HIRA: variants seen among roughly 807,000 people sequenced by gnomAD.
HIRA encodes the protein histone cell cycle regulator, also known as protein HIRA.
In HIRA, 13 loss-of-function variants were observed where a neutral mutation model predicts 126.6. The ratio of observed to expected loss-of-function variants is 0.10; its 90% CI spans 0.07 to 0.16. The LOEUF (loss-of-function observed/expected upper bound fraction) is 0.16. HIRA is among the 10% of genes least tolerant of loss of function. The probability of loss-of-function intolerance (pLI) is 1.00; values close to 1 mark genes in which losing one functional copy is unlikely to be tolerated. For missense variants in HIRA, 834 were observed against 1,314.4 expected (o/e 0.63, Z 5.65); for synonymous variants, 511 against 520.0 (o/e 0.98, Z 0.24).
intron 24 of HIRA, among the ~76,000 whole-genome samples, chr22:19,339,537 T>C (rs1174944815): frequency 6.6e-6 from 1 of 151,418 alleles, no homozygotes; most frequent in Non-Finnish European, 1.5e-5. Context: ...CTTGGGAGGC[T>C]GAGGCCTGAG....
At chr22:19,414,533 G>C (rs745810953) in intron 1 of HIRA, among the ~76,000 whole-genome samples, 1 of 152,168 alleles carries the variant, frequency 6.6e-6, no homozygotes, top group Non-Finnish European at 1.5e-5. Context: ...GAGCTGACTG[G>C]AACACATGTG....
chr22:19,422,676 C>T (rs969110183), intron 1 of HIRA, among the ~76,000 whole-genome samples: 1 of 152,208 alleles, frequency 6.6e-6, no homozygotes, highest in Non-Finnish European at 1.5e-5. Context: ...GAATGCTCTT[C>T]CCTCAGATGG....
chr22:19,390,744 TTC>T (rs796193824), intron 9 of HIRA, among the ~76,000 whole-genome samples: 4 of 152,088 alleles, frequency 2.6e-5, no homozygotes, highest in African/African-American at 9.6e-5. Flanking sequence ...GGCGTCAGCT[TTC>T]TGTGTGTCTT....
chr22:19,357,037 A>G lies in HIRA; in HGVS notation c.2249T>C (p.Val750Ala), dbSNP rs973214086. 2 of 1,614,044 alleles carry G rather than the reference A, an allele frequency of 1.2e-6. No individual in the cohort carries two copies. The highest frequency in any genetic ancestry group is 8.5e-7 in the Non-Finnish European group (1 of 1,180,010). Residue 750 changes from valine to alanine, a missense_variant, in exon 19 of 25, where the codon GTC becomes GCC. Around this residue, in one of 5 missense-constraint regions of HIRA, gnomAD observed 468 missense variants for 574.2 expected, o/e 0.82. Coordinates refer to ENST00000263208, the MANE Select transcript of HIRA (RefSeq NM_003325.4). ...TAAGSCDVVC[V>A]ACEKRMLSVF... ...TGACAGCATCCTTTTTTCACAGGCG[A>G]CACACACCACGTCACTGAGAAGGCA...
At chr22:19,407,124 A>G in intron 4 of HIRA, 60 bp downstream of exon 4, 3 of 1,392,442 alleles carry the variant, frequency 2.2e-6, no homozygotes, top group Admixed American at 3.4e-5. Flanking sequence ...GGTGACTTTG[A>G]TAAAGACCAG....
Position 19,387,722 on chromosome 22 carries a change from C to T in HIRA, c.1102G>A (p.Glu368Lys), listed in dbSNP as rs1005125088. The change falls in exon 11 of 25, where the codon GAG becomes AAG. Residue 368 changes from glutamate to lysine, a missense_variant. By Grantham distance (56) the Glu-to-Lys change is moderately conservative. Transcript: ENST00000263208. ...AGCCGTCAGCCTACCTTCTCCTCCTCGCTCAGGGGATCGCCAAGCTCATCC... is the reference window on the plus strand; with the variant it reads ...AGCCGTCAGCCTACCTTCTCCTCCTTGCTCAGGGGATCGCCAAGCTCATCC... ...SQDELGDPLSEEEKSRIHQST... is the reference protein window; with the variant it reads ...SQDELGDPLSKEEKSRIHQST... The T allele has an allele frequency of 2.5e-6, 4 of 1,613,632 alleles. No individual in the cohort carries two copies. Among genetic ancestry groups the T allele is most frequent in the East Asian group, 2.2e-5 (1 of 44,892 alleles).
intron 2 of HIRA, among the ~76,000 whole-genome samples, chr22:19,410,477 CAAT>C (rs2089343547): frequency 6.6e-6 from 1 of 152,320 alleles, no homozygotes; most frequent in South Asian, 2.1e-4. Context: ...AATATTAACT[CAAT>C]AAACAGAAAT....
chr22:19,333,031 C>A (rs566284301), intron 24 of HIRA, among the ~76,000 whole-genome samples: 1 of 152,242 alleles, frequency 6.6e-6, no homozygotes, highest in South Asian at 2.1e-4. Context: ...GCCTCAGTTA[C>A]CCGAGTAGCT....
intron 17 of HIRA, among the ~76,000 whole-genome samples, chr22:19,360,412 A>G (rs1219289750): frequency 1.3e-5 from 2 of 152,210 alleles, no homozygotes; most frequent in Non-Finnish European, 2.9e-5. Context: ...CACACCAGCA[A>G]TAAGAACAAA....
rs782037801 is a variant in HIRA, at chr22:19,353,397, C to T, written c.2807G>A (p.Arg936His). 14 of 1,612,882 alleles carry T rather than the reference C, an allele frequency of 8.7e-6. 1 individual carries two copies. Among genetic ancestry groups the T allele is most frequent in the East Asian group, 6.7e-5 (3 of 44,888 alleles). The change falls in exon 23 of 25, where the codon CGC becomes CAC. Residue 936 changes from arginine to histidine, a missense_variant. This residue lies in a region of HIRA where 58 missense variants were observed against 114.5 expected (regional missense o/e 0.51). Transcript: ENST00000263208. ...CCGTGCGTAGACGAGGAGCCAATGG[C>T]GGTACTCGTGGCTGGACTGCAGGGT... ...ALTLQSSHEY[R>H]HWLLVYARYL...
At chr22:19,362,634 C>T (rs1011998031) in intron 15 of HIRA, among the ~76,000 whole-genome samples, 2 of 151,880 alleles carry the variant, frequency 1.3e-5, no homozygotes, top group Non-Finnish European at 2.9e-5. Context: ...GATCTTGGCT[C>T]ACTGCAACAT....
At chr22:19,354,167 G>A (rs1556011806) in intron 21 of HIRA, 49 bp from the exon 22 acceptor site, 1 of 1,579,470 alleles carries the variant, frequency 6.3e-7, no homozygotes, top group African/African-American at 1.4e-5. Context: ...AAGAGATCTG[G>A]TTGGCCTCTT....
intron 1 of HIRA, among the ~76,000 whole-genome samples, chr22:19,417,767 G>A (rs1411978802): frequency 2.0e-5 from 3 of 152,178 alleles, no homozygotes; most frequent in Non-Finnish European, 4.4e-5. Context: ...ATAACCAAAA[G>A]AAAGGGTCTT....
At chr22:19,410,624 G>C (rs1569310787) in intron 2 of HIRA, 92 bp downstream of exon 2, 1 of 871,472 alleles carries the variant, frequency 1.1e-6, no homozygotes, top group Non-Finnish European at 1.9e-6. Context: ...CTGAAAAATA[G>C]CAAGTATTCC....
At chr22:19,376,041 C>T (rs772209550) in intron 14 of HIRA, among the ~76,000 whole-genome samples, 5 of 152,122 alleles carry the variant, frequency 3.3e-5, no homozygotes, top group Non-Finnish European at 5.9e-5. Flanking sequence ...AGAGCTTTTG[C>T]GGGTAGAATG....
Position 19,431,498 on chromosome 22 carries a change from G to GCC in HIRA, c.-23_-22insGG. On this transcript the variant is annotated 5_prime_UTR_variant, in exon 1 of 25. Transcript: ENST00000263208. Reference sequence around the variant, plus strand: ...TCATTGTTCGGCCGCCGCCGCCGCCGGGCTGAGGCGAGCGCCGGGTCCCTC... The same window carrying GCC: ...TCATTGTTCGGCCGCCGCCGCCGCCGCCGGCTGAGGCGAGCGCCGGGTCCCTC... 6.3e-7 allele frequency: 1 copy of GCC among 1,583,676 alleles called. No homozygotes were observed. Among genetic ancestry groups the GCC allele is most frequent in the Non-Finnish European group, 8.6e-7 (1 of 1,166,708 alleles).
chr22:19,390,191 C>G (rs1286763233), intron 9 of HIRA, among the ~76,000 whole-genome samples: 1 of 152,114 alleles, frequency 6.6e-6, no homozygotes, highest in Non-Finnish European at 1.5e-5. Flanking sequence ...GAAACCGCCA[C>G]AGTTCTTACC....
chr22:19,381,543 A>T (rs1426918191), intron 13 of HIRA, among the ~76,000 whole-genome samples: 2 of 151,832 alleles, frequency 1.3e-5, no homozygotes, highest in Non-Finnish European at 2.9e-5. Flanking sequence ...AGATCATATA[A>T]TTTTTTTTCT....
At chr22:19,361,610 A>C in intron 16 of HIRA, 117 bp downstream of exon 16, 8 of 1,015,250 alleles carry the variant, frequency 7.9e-6, no homozygotes, top group Non-Finnish European at 1.1e-5. Flanking sequence ...TGCATGTCTA[A>C]GCCAGCTGGT....
Sources: allele counts gnomAD v4.1 joint callset (sites outside exome capture counted in the v4.1 genomes callset), GRCh38; gene constraint gnomAD v4.1.1; regional missense constraint gnomAD v4.1.1; transcripts MANE v1.5; gene names NCBI Gene and HGNC (gene_info 2026-07-23, HGNC 2026-07-21).